Variants in PHLDB2 observed in about 807,000 individuals in gnomAD.
The protein encoded by PHLDB2 is pleckstrin homology-like domain family B member 2.
A neutral mutation model predicts 123.6 loss-of-function variants in PHLDB2; 71 were observed. The ratio of observed to expected loss-of-function variants is 0.57; its 90% CI spans 0.47 to 0.70. PHLDB2 has a LOEUF of 0.70. Among genes scored for constraint, PHLDB2 ranks in the 30% least tolerant of loss-of-function variants. PHLDB2 has a pLI of 0.00. For missense variants in PHLDB2, 1,446 were observed against 1,519.5 expected (o/e 0.95, Z 0.80); for synonymous variants, 547 against 541.6 (o/e 1.01, Z -0.14).
intron 1 of PHLDB2, among the ~76,000 whole-genome samples, chr3:111,785,320 C>T: frequency 6.6e-6 from 1 of 152,008 alleles, no homozygotes; most frequent in East Asian, 1.9e-4. Context: ...AGTCTGTTAA[C>T]CCCTACATGT....
chr3:111,843,028 T>G (rs2063762613), intron 1 of PHLDB2, among the ~76,000 whole-genome samples: 1 of 152,242 alleles, frequency 6.6e-6, no homozygotes, highest in Non-Finnish European at 1.5e-5. Context: ...TTGTTTCCAT[T>G]TTTTGCTATT....
chr3:111,811,402 G>A (rs900884551), intron 1 of PHLDB2, among the ~76,000 whole-genome samples: 2 of 152,118 alleles, frequency 1.3e-5, no homozygotes, highest in Admixed American at 6.6e-5. Context: ...ATTAGTCTTG[G>A]TGAAGAAATG....
intron 7 of PHLDB2, 101 bp from the exon 8 acceptor site, chr3:111,940,434 T>C (rs151328543): frequency 1.7e-6 from 1 of 585,388 alleles, no homozygotes; most frequent in Non-Finnish European, 3.0e-6. Flanking sequence ...TAGTCACTGT[T>C]ATTCCAGTGG....
chr3:111,794,283 T>A (rs2061053827), intron 1 of PHLDB2, among the ~76,000 whole-genome samples: 1 of 151,794 alleles, frequency 6.6e-6, no homozygotes. Flanking sequence ...CAGCACTGAG[T>A]TCCAATGCAA....
At chr3:111,771,910 C>T (rs578044616) in intron 1 of PHLDB2, among the ~76,000 whole-genome samples, 2 of 152,290 alleles carry the variant, frequency 1.3e-5, no homozygotes, top group South Asian at 4.1e-4. Context: ...CAAAAATAGT[C>T]ATTCTTCACA....
At chr3:111,952,437 A>G (rs712517) in intron 10 of PHLDB2, 135 bp from the exon 11 acceptor site, 876,743 of 877,012 alleles carry the variant, frequency 1, 438,238 homozygotes, top group East Asian at 1. Context: ...AGTGAACACA[A>G]TATATGTTGA....
chr3:111,885,293 C>G lies in PHLDB2; in HGVS notation c.1216C>G (p.Gln406Glu), dbSNP rs774881867. 3 of 1,614,180 alleles carry G rather than the reference C, an allele frequency of 1.9e-6. No homozygotes were observed. Among genetic ancestry groups the G allele is most frequent in the South Asian group, 2.2e-5 (2 of 91,080 alleles). ...ESLRQASGTP[Q>E]PALRERKSSI... ...CCTCAGACAGGCCTCAGGAACCCCC[C>G]AGCCTGCCCTTCGGGAACGGAAAAG... Residue 406 changes from glutamine to glutamate, a missense_variant, in exon 2 of 18, where the codon CAG becomes GAG. Gln to Glu is a conservative substitution (Grantham distance 29, BLOSUM62 2). This residue lies in a region of PHLDB2 where 832 missense variants were observed against 831.9 expected (regional missense o/e 1.00). Transcript: ENST00000431670.
At chr3:111,822,962 AG>A (rs1209087098) in intron 1 of PHLDB2, among the ~76,000 whole-genome samples, 1 of 152,222 alleles carries the variant, frequency 6.6e-6, no homozygotes, top group Non-Finnish European at 1.5e-5. Flanking sequence ...ATGGGGACAA[AG>A]GAAGGGCATT....
intron 2 of PHLDB2, among the ~76,000 whole-genome samples, chr3:111,909,265 C>A (rs1414870644): frequency 6.6e-6 from 1 of 152,114 alleles, no homozygotes; most frequent in African/African-American, 2.4e-5. Flanking sequence ...GTTATCACTG[C>A]TTTTATAAGT....
chr3:111,791,060 G>T (rs930835685), intron 1 of PHLDB2, among the ~76,000 whole-genome samples: 5 of 151,894 alleles, frequency 3.3e-5, no homozygotes, highest in African/African-American at 1.2e-4. Context: ...TTTTATTATT[G>T]TGTCACAATG....
At chr3:111,819,512 T>C (rs1454675410) in intron 1 of PHLDB2, among the ~76,000 whole-genome samples, 2 of 152,336 alleles carry the variant, frequency 1.3e-5, no homozygotes, top group South Asian at 4.1e-4. Flanking sequence ...ACTTCCCACC[T>C]GGGGGACAAT....
At chr3:111,934,633 T>C (rs1443362585) in intron 6 of PHLDB2, among the ~76,000 whole-genome samples, 1 of 152,248 alleles carries the variant, frequency 6.6e-6, no homozygotes, top group Non-Finnish European at 1.5e-5. Context: ...AGTCTGAATA[T>C]TATTTTCATC....
chr3:111,837,760 T>G (rs574585507), intron 1 of PHLDB2, among the ~76,000 whole-genome samples: 3 of 152,156 alleles, frequency 2.0e-5, no homozygotes, highest in Non-Finnish European at 4.4e-5. Flanking sequence ...TTACTGAACC[T>G]GGCCGGGCAC....
At chr3:111,832,397 AC>A (rs2063090355) in intron 1 of PHLDB2, among the ~76,000 whole-genome samples, 1 of 150,826 alleles carries the variant, frequency 6.6e-6, no homozygotes, top group Non-Finnish European at 1.5e-5. Context: ...AAACAAAAAA[AC>A]AAAAAGATAA....
At position 111,878,794 on chromosome 3, in the gene PHLDB2, C is replaced by T. The variant is rs183368994; in HGVS notation, c.-14-5270C>T. On this transcript the variant is annotated intron_variant, in intron 1 of 17. Coordinates refer to ENST00000431670, the MANE Select transcript of PHLDB2 (RefSeq NM_001134438.2). The stretch of plus-strand genomic sequence containing the variant: ...TGAATTTTGTCAAAGGCCTTTTCTG[C>T]ACCTATTGAGACAATCATGTGGTTT... Among the ~76,000 whole-genome samples, 37 of 152,250 alleles carry T rather than the reference C, an allele frequency of 2.4e-4. No individual in the cohort carries two copies. The East Asian group carries it at 6.2e-3, about 25-fold the overall frequency.
chr3:111,835,791 T>TA (rs2063368763), intron 1 of PHLDB2, among the ~76,000 whole-genome samples: 1 of 152,166 alleles, frequency 6.6e-6, no homozygotes, highest in African/African-American at 2.4e-5. Context: ...ACACCTTACA[T>TA]AGTGACCCCA....
chr3:111,879,535 G>T (rs2065831505), intron 1 of PHLDB2, among the ~76,000 whole-genome samples: 1 of 152,142 alleles, frequency 6.6e-6, no homozygotes, highest in Non-Finnish European at 1.5e-5. Context: ...CTCCAGGGTG[G>T]CAGAGGCAGA....
intron 2 of PHLDB2, among the ~76,000 whole-genome samples, chr3:111,887,485 A>G (rs13064071): frequency 0.46 from 69,391 of 151,918 alleles, 16,727 homozygotes; most frequent in East Asian, 0.68. Context: ...AGTGACTCAA[A>G]TTACTTCCTG....
chr3:111,864,603 G>A (rs1219134545), intron 1 of PHLDB2, among the ~76,000 whole-genome samples: 1 of 152,180 alleles, frequency 6.6e-6, no homozygotes, highest in African/African-American at 2.4e-5. Context: ...AGAAACCCAA[G>A]TGTAAAAATC....
Sources: gnomAD v4.1 joint callset for allele counts (sites outside exome capture counted in the v4.1 genomes callset) on GRCh38, gnomAD v4.1.1 for gene constraint, gnomAD v4.1.1 regional missense constraint, MANE v1.5 for transcripts, NCBI Gene and HGNC (gene_info 2026-07-23, HGNC 2026-07-21) for gene names.